PAX2: variants seen among roughly 807,000 people sequenced by gnomAD.
PAX2 encodes the protein paired box 2.
A neutral mutation model predicts 41.7 loss-of-function variants in PAX2; 9 were observed. The observed-to-expected ratio is 0.22, with a 90% CI of 0.13 to 0.38. The LOEUF is 0.38. Ranked by LOEUF, PAX2 falls within the 10% of genes least tolerant of loss-of-function variation. The pLI is 1.00. For missense variants in PAX2, 418 were observed against 531.6 expected, an observed-to-expected ratio of 0.79 and a Z score of 2.10; for synonymous variants, 221 against 212.7, an observed-to-expected ratio of 1.04 and a Z score of -0.34.
rs2133983211 is a variant in PAX2 at position 100,824,020 on chromosome 10, T to C, written c.920-628T>C. 6.6e-6 allele frequency among the ~76,000 whole-genome samples: 1 copy of C among 152,288 alleles called. No homozygotes were observed. Among genetic ancestry groups the C allele is most frequent in the Admixed American group, 6.5e-5 (1 of 15,296 alleles). On this transcript the variant is annotated intron_variant, in intron 7 of 9. Transcript: ENST00000355243. This position sits in a 1 kb window ranked among gnomAD's most constrained non-coding sequence, Gnocchi z 6.6. Reference sequence around the variant, plus strand: ...CTCCTGATTCACTTCAGGGTGGTTTTCTATCATGTAAATGCCATAAACACT... The same window carrying C: ...CTCCTGATTCACTTCAGGGTGGTTTCCTATCATGTAAATGCCATAAACACT...
chr10:100,738,681 G>A (rs1844850818), intron 1 of PAX2, among the ~76,000 whole-genome samples: 1 of 152,162 alleles, frequency 6.6e-6, no homozygotes, highest in Admixed American at 6.5e-5. Flanking sequence ...CTAGCGGAGC[G>A]AACTCCTGGA....
At chr10:100,790,801 G>A (rs1361150220) in intron 5 of PAX2, among the ~76,000 whole-genome samples, 2 of 152,188 alleles carry the variant, frequency 1.3e-5, no homozygotes, top group African/African-American at 4.8e-5. Context: ...TCAGAGCCAT[G>A]GTGGCCTTAG....
At chr10:100,784,350 G>T (rs182651097) in intron 5 of PAX2, among the ~76,000 whole-genome samples, 1 of 152,198 alleles carries the variant, frequency 6.6e-6, no homozygotes, top group African/African-American at 2.4e-5. Flanking sequence ...GGGACTAAGG[G>T]GTGTTGGGAT....
At chr10:100,764,136 A>ATT (rs145391942) in intron 3 of PAX2, among the ~76,000 whole-genome samples, 1,230 of 103,602 alleles carry the variant, frequency 0.012, 19 homozygotes, top group South Asian at 0.049. Flanking sequence ...CAAACATTGA[A>ATT]TTTTTTTTTT....
intron 5 of PAX2, among the ~76,000 whole-genome samples, chr10:100,793,212 C>G (rs1322511921): frequency 1.3e-5 from 2 of 152,212 alleles, no homozygotes; most frequent in Admixed American, 6.5e-5. Flanking sequence ...GCTAGGGTCC[C>G]AGGAGCTAGA....
At chr10:100,787,136 C>T in intron 5 of PAX2, 3 of 441,844 alleles carry the variant, frequency 6.8e-6, no homozygotes, top group South Asian at 1.9e-5. Flanking sequence ...TTGGCTCAGG[C>T]TTCCACTGGG....
intron 7 of PAX2, among the ~76,000 whole-genome samples, chr10:100,821,248 C>T (rs1848372115): frequency 6.6e-6 from 1 of 152,172 alleles, no homozygotes; most frequent in Admixed American, 6.5e-5. Context: ...ATTTTTTCTG[C>T]TCTTTAAGTG....
Position 100,829,733 on chromosome 10 carries a change from A to AG in PAX2, c.*2117dup. ...CCCGAACGGGGCGGCGAGGGCGGCG[A>AG]GGGCGCCGAGGTCCGGCCCATCCCA... On this transcript the variant is annotated 3_prime_UTR_variant, in exon 10 of 10. Transcript: ENST00000355243. 9.9e-6 allele frequency: 2 copies of AG among 202,870 alleles called. No homozygotes were observed. The highest frequency in any genetic ancestry group is 2.0e-5 in the Non-Finnish European group (2 of 98,138). The allele number at this position is 202,870 out of a possible 1,614,324, so 12.6% of individuals were successfully genotyped here.
chr10:100,735,547 G>C (rs1221243125), exon 1 of PAX2: 3 of 442,784 alleles, frequency 6.8e-6, no homozygotes, highest in Non-Finnish European at 9.7e-6. Flanking sequence ...GCACACAGCC[G>C]TGGCGGCGGG....
At position 100,828,663 on chromosome 10, in the gene PAX2, A is replaced by C. The variant is rs1589913434; in HGVS notation, c.*1044A>C. 2 of 233,276 alleles carry C rather than the reference A, an allele frequency of 8.6e-6. No individual in the cohort carries two copies. The highest frequency in any genetic ancestry group is 1.7e-5 in the Non-Finnish European group (2 of 118,028). The allele number at this position is 233,276 out of a possible 1,614,324, so 14.5% of individuals were successfully genotyped here. ...CACAGACTCTCAATCTGCCGGTGGTAAGAACCGGTTCTGAGCTGGCGTCTG... is the reference window on the plus strand; with the variant it reads ...CACAGACTCTCAATCTGCCGGTGGTCAGAACCGGTTCTGAGCTGGCGTCTG... On this transcript the variant is annotated 3_prime_UTR_variant, in exon 10 of 10. Coordinates refer to ENST00000355243, the MANE Select transcript of PAX2 (RefSeq NM_000278.5). This position sits in a 1 kb window ranked among gnomAD's most constrained non-coding sequence, Gnocchi z 6.5.
chr10:100,793,362 G>T (rs899031163), intron 5 of PAX2, among the ~76,000 whole-genome samples: 1 of 152,168 alleles, frequency 6.6e-6, no homozygotes, highest in Non-Finnish European at 1.5e-5. Flanking sequence ...CTTCCTCCCC[G>T]GGTCTGTCCT....
At chr10:100,744,017 G>C (rs1480983114), upstream of PAX2, among the ~76,000 whole-genome samples, 2 of 152,214 alleles carry the variant, frequency 1.3e-5, no homozygotes, top group East Asian at 3.9e-4. Flanking sequence ...ACAGGAGTGA[G>C]AGGCTCAGAA....
chr10:100,827,719 G>T lies in PAX2; in HGVS notation c.*100G>T. 2 of 1,603,462 alleles carry T rather than the reference G, an allele frequency of 1.2e-6. No homozygotes were observed. The highest frequency in any genetic ancestry group is 1.7e-6 in the Non-Finnish European group (2 of 1,172,944). The stretch of plus-strand genomic sequence containing the variant: ...GAGGGAGGGAGGACCGACGCGACGC[G>T]ATGCCTCCCGGCCACCGCCCCAGCC... On this transcript the variant is annotated 3_prime_UTR_variant, in exon 10 of 10. Coordinates refer to ENST00000355243, the MANE Select transcript of PAX2 (RefSeq NM_000278.5). The surrounding 1 kb of genome is among the most constrained non-coding windows in gnomAD (Gnocchi z 8.5).
chr10:100,803,525 A>G (rs531456268), intron 5 of PAX2, among the ~76,000 whole-genome samples: 1 of 151,672 alleles, frequency 6.6e-6, no homozygotes, highest in African/African-American at 2.4e-5. Context: ...GCTGTCCCCC[A>G]CCAGTAATGC....
chr10:100,826,914 C>T lies in PAX2; in HGVS notation c.1022-95C>T. 1.2e-6 allele frequency: 1 copy of T among 852,276 alleles called. No individual in the cohort carries two copies. The highest frequency in any genetic ancestry group is 2.0e-6 in the Non-Finnish European group (1 of 503,010). The allele number at this position is 852,276 out of a possible 1,614,324, so 52.8% of individuals were successfully genotyped here. On this transcript the variant is annotated intron_variant, in intron 8 of 9. Transcript: ENST00000355243. This position sits in a 1 kb window ranked among gnomAD's most constrained non-coding sequence, Gnocchi z 5.5. Reference sequence around the variant, plus strand: ...GCCCGCGACACCTGCGCCTGAGACCCGGCGGGAGGAGCGGGCGGAGAAGCC... The same window carrying T: ...GCCCGCGACACCTGCGCCTGAGACCTGGCGGGAGGAGCGGGCGGAGAAGCC...
chr10:100,758,481 A>C (rs1232268004), intron 3 of PAX2, among the ~76,000 whole-genome samples: 1 of 152,122 alleles, frequency 6.6e-6, no homozygotes, highest in Non-Finnish European at 1.5e-5. Context: ...GGTTTGTTGT[A>C]GGGATGTTGG....
intron 5 of PAX2, among the ~76,000 whole-genome samples, chr10:100,797,530 T>C (rs1847382520): frequency 6.6e-6 from 1 of 152,216 alleles, no homozygotes; most frequent in Non-Finnish European, 1.5e-5. Flanking sequence ...ATCAGAGGAG[T>C]GCCTGATATA....
At chr10:100,779,662 T>A in intron 4 of PAX2, 79 bp downstream of exon 4, 1 of 1,165,894 alleles carries the variant, frequency 8.6e-7, no homozygotes, top group Non-Finnish European at 1.3e-6. Context: ...CCCTGGGAAC[T>A]GCCTGCCCGC....
At chr10:100,817,260 C>T (rs1167012654) in intron 7 of PAX2, among the ~76,000 whole-genome samples, 1 of 152,190 alleles carries the variant, frequency 6.6e-6, no homozygotes, top group African/African-American at 2.4e-5. Context: ...GAAATGTCTT[C>T]CCCTCTCTCT....
Sources: allele counts gnomAD v4.1 joint callset (sites outside exome capture counted in the v4.1 genomes callset), GRCh38; gene constraint gnomAD v4.1.1; non-coding constraint Gnocchi (gnomAD v3.1); transcripts MANE v1.5; gene names NCBI Gene and HGNC (gene_info 2026-07-23, HGNC 2026-07-21).